The following VTI1A variants were observed in gnomAD, a reference collection of about 807,000 sequenced individuals.
The protein encoded by VTI1A is vesicle transport through interaction with t-SNAREs homolog 1A.
A neutral mutation model predicts 34.9 loss-of-function variants in VTI1A; 22 were observed. The observed-to-expected ratio is 0.63, with a 90% CI of 0.45 to 0.90. The LOEUF (loss-of-function observed/expected upper bound fraction) is 0.90. Among genes scored for constraint, VTI1A ranks in the 40% least tolerant of loss-of-function variants. VTI1A has a pLI of 0.00. For missense variants in VTI1A, 268 were observed against 275.6 expected, an observed-to-expected ratio of 0.97 and a Z score of 0.20; for synonymous variants, 87 against 97.3, an observed-to-expected ratio of 0.89 and a Z score of 0.62.
chr10:112,713,414 C>T lies in VTI1A; in HGVS notation c.560+44416C>T, dbSNP rs182917069. On this transcript the variant is annotated intron_variant, in intron 7 of 7. Coordinates refer to ENST00000393077, the MANE Select transcript of VTI1A (RefSeq NM_145206.4). ...ACTTAAATGCTAACTGCTATATAAG[C>T]ATTATCTCGTTTAGTTTCATTTAAC... 1.4e-4 allele frequency among the ~76,000 whole-genome samples: 21 copies of T among 152,248 alleles called. No individual in the cohort carries two copies. The East Asian group carries it at 4.1e-3, about 29-fold the overall frequency.
Position 112,629,245 on chromosome 10 carries a change from A to G in VTI1A, c.428-38973A>G, listed in dbSNP as rs1589994706. ...TCTGGAGCATCTGAACCCATGCATC[A>G]CATTCCTCCTTAGGGACAGGGCACC... On this transcript the variant is annotated intron_variant, in intron 5 of 7. Coordinates refer to ENST00000393077, the MANE Select transcript of VTI1A (RefSeq NM_145206.4). Among the ~76,000 whole-genome samples, 3 of 152,360 alleles carry G rather than the reference A, an allele frequency of 2.0e-5. No homozygotes were observed. The South Asian group carries it at 6.2e-4, about 32-fold the overall frequency.
At chr10:112,735,175 TC>T (rs1850409000) in intron 7 of VTI1A, among the ~76,000 whole-genome samples, 1 of 152,194 alleles carries the variant, frequency 6.6e-6, no homozygotes, top group Non-Finnish European at 1.5e-5. Flanking sequence ...TCATTACAAA[TC>T]TCAAGAGTTT....
chr10:112,807,847 C>A (rs1347343850), intron 7 of VTI1A, among the ~76,000 whole-genome samples: 1 of 150,136 alleles, frequency 6.7e-6, no homozygotes, highest in Non-Finnish European at 1.5e-5. Flanking sequence ...GAGTGAAACT[C>A]CGTCTCAAAA....
intron 7 of VTI1A, among the ~76,000 whole-genome samples, chr10:112,706,926 T>TG (rs1485457118): frequency 2.0e-5 from 3 of 152,206 alleles, no homozygotes; most frequent in Non-Finnish European, 4.4e-5. Flanking sequence ...TGCTCCCACT[T>TG]GCTTAAATCA....
At chr10:112,486,710 C>CT (rs1848649125) in intron 3 of VTI1A, among the ~76,000 whole-genome samples, 1 of 79,014 alleles carries the variant, frequency 1.3e-5, no homozygotes, top group Admixed American at 1.0e-4. Context: ...ACTGTATATT[C>CT]TAAAGAATAT....
intron 7 of VTI1A, among the ~76,000 whole-genome samples, chr10:112,755,865 G>A (rs1265117793): frequency 6.6e-6 from 1 of 152,158 alleles, no homozygotes; most frequent in Non-Finnish European, 1.5e-5. Context: ...CAGCCTGTCT[G>A]CAGTCTCTGG....
chr10:112,543,896 T>G (rs960508874), intron 5 of VTI1A, among the ~76,000 whole-genome samples: 2 of 152,252 alleles, frequency 1.3e-5, no homozygotes, highest in Non-Finnish European at 2.9e-5. Flanking sequence ...TTTCCAGATA[T>G]GGCTAGCCAG....
intron 7 of VTI1A, among the ~76,000 whole-genome samples, chr10:112,778,338 CT>C (rs1852013548): frequency 6.6e-6 from 1 of 152,148 alleles, no homozygotes; most frequent in Non-Finnish European, 1.5e-5. Flanking sequence ...GGTGGAAGTT[CT>C]TCTGCCAAGA....
intron 5 of VTI1A, among the ~76,000 whole-genome samples, chr10:112,610,768 A>C (rs1399209903): frequency 1.3e-5 from 2 of 152,136 alleles, no homozygotes; most frequent in African/African-American, 2.4e-5. Context: ...TACACAAAAA[A>C]ACTAGCCAGG....
chr10:112,501,159 T>C (rs1226008743), intron 3 of VTI1A, among the ~76,000 whole-genome samples: 2 of 152,196 alleles, frequency 1.3e-5, no homozygotes, highest in Non-Finnish European at 2.9e-5. Flanking sequence ...AGCTGCTCAA[T>C]ACATTGTTGT....
At chr10:112,636,379 A>G (rs1846351960) in intron 5 of VTI1A, among the ~76,000 whole-genome samples, 1 of 152,152 alleles carries the variant, frequency 6.6e-6, no homozygotes, top group South Asian at 2.1e-4. Context: ...TTCTCCTGCC[A>G]TTGGATGGTG....
At chr10:112,656,172 G>A (rs934402876) in intron 5 of VTI1A, among the ~76,000 whole-genome samples, 2 of 152,142 alleles carry the variant, frequency 1.3e-5, no homozygotes, top group Non-Finnish European at 1.5e-5. Context: ...TTGACTGCCT[G>A]GGGTGTTTCG....
At chr10:112,811,835 G>A (rs1324674454) in intron 7 of VTI1A, among the ~76,000 whole-genome samples, 4 of 152,070 alleles carry the variant, frequency 2.6e-5, no homozygotes, top group Non-Finnish European at 5.9e-5. Flanking sequence ...GTGCAGTGCC[G>A]CGCCTGTCCC....
At chr10:112,830,849 A>ATTTTTTTTTTTTT in the VTI1A span, among the ~76,000 whole-genome samples, 16 of 33,494 alleles carry the variant, frequency 4.8e-4, no homozygotes, top group African/African-American at 2.2e-3. Context: ...ATATATATAT[A>ATTTTTTTTTTTTT]TTTTTTTTTT....
chr10:112,693,180 G>T (rs1466825342), intron 7 of VTI1A, among the ~76,000 whole-genome samples: 1 of 152,130 alleles, frequency 6.6e-6, no homozygotes, highest in East Asian at 1.9e-4. Context: ...TTAAGTAACT[G>T]TTATTTATTT....
At chr10:112,851,767 A>G in the VTI1A span, among the ~76,000 whole-genome samples, 2 of 152,184 alleles carry the variant, frequency 1.3e-5, no homozygotes, top group Non-Finnish European at 2.9e-5. Flanking sequence ...TGAGAACTGT[A>G]GGGAACCTTT....
At chr10:112,695,170 C>G (rs536851585) in intron 7 of VTI1A, among the ~76,000 whole-genome samples, 1 of 152,166 alleles carries the variant, frequency 6.6e-6, no homozygotes, top group South Asian at 2.1e-4. Context: ...TACCATAGTA[C>G]CTACCTTGAA....
At position 112,687,535 on chromosome 10, in the gene VTI1A, T is replaced by G. The variant is rs572443145; in HGVS notation, c.560+18537T>G. 7.3e-5 allele frequency among the ~76,000 whole-genome samples: 11 copies of G among 150,870 alleles called. No individual in the cohort carries two copies. The East Asian group carries it at 2.1e-3, about 29-fold the overall frequency. ...GGTGTGAGCCACTGCGCCCGGCAAC[T>G]TTTTTTTTAAGCAACAATTTTGCTT... On this transcript the variant is annotated intron_variant, in intron 7 of 7. Transcript: ENST00000393077.
At chr10:112,607,102 C>T (rs1845114272) in intron 5 of VTI1A, among the ~76,000 whole-genome samples, 1 of 152,036 alleles carries the variant, frequency 6.6e-6, no homozygotes, top group Admixed American at 6.5e-5. Context: ...GCCTGGCCAA[C>T]ATGGTGAAAC....
Sources: allele counts gnomAD v4.1 joint callset (sites outside exome capture counted in the v4.1 genomes callset), GRCh38; gene constraint gnomAD v4.1.1; transcripts MANE v1.5; gene names NCBI Gene and HGNC (gene_info 2026-07-23, HGNC 2026-07-21).